The following DNAJB1 variants were observed in gnomAD, a reference collection of about 807,000 sequenced individuals.
The protein encoded by DNAJB1 is dnaJ homolog subfamily B member 1.
Under a neutral mutation model 24.0 loss-of-function variants are expected in DNAJB1, and 14 were observed. The observed-to-expected ratio is 0.58, with a 90% CI of 0.39 to 0.91. The LOEUF is 0.91. DNAJB1 is among the 40% of genes least tolerant of loss of function. DNAJB1 has a pLI of 0.00. For synonymous variants in DNAJB1, 262 were observed against 174.4 expected (o/e 1.50, Z -3.96); for missense variants, 517 against 458.1 (o/e 1.13, Z -1.17).
chr19:14,529,424 GT>G, upstream of DNAJB1: 1 of 610,180 alleles, frequency 1.6e-6, no homozygotes, highest in South Asian at 1.8e-5. Flanking sequence ...TCCTACAGGC[GT>G]TCCGCCCCCT....
Position 14,515,949 on chromosome 19 carries a change from A to G in DNAJB1, c.1014T>C (p.Leu338=). Residue 338 remains leucine, a synonymous_variant, in exon 3 of 3, where the codon CTT becomes CTC. Transcript: ENST00000254322. ...QTSRTVLEQV[L]PI ...TGGGGAGCTCAGATAGCTATATTGG[A>G]AGAACCTGCTCAAGTACGGTTCTTG... 1.2e-6 allele frequency: 2 copies of G among 1,606,800 alleles called. No individual in the cohort carries two copies.
chr19:14,518,875 A>T (rs1286110408), upstream of DNAJB1, among the ~76,000 whole-genome samples: 2 of 152,210 alleles, frequency 1.3e-5, no homozygotes, highest in Non-Finnish European at 2.9e-5. Context: ...GTGACGCCGG[A>T]CGAACTACCT....
upstream of DNAJB1, among the ~76,000 whole-genome samples, chr19:14,518,609 C>T (rs1235603251): frequency 6.6e-6 from 1 of 152,078 alleles, no homozygotes; most frequent in Non-Finnish European, 1.5e-5. Flanking sequence ...TCGGCAACAC[C>T]TCCCCGCGGC....
intron 1 of DNAJB1, among the ~76,000 whole-genome samples, chr19:14,548,681 A>G (rs1020373348): frequency 1.3e-5 from 2 of 151,766 alleles, no homozygotes; most frequent in South Asian, 4.2e-4. Context: ...AGGTTCAAGC[A>G]ATTCTCCTGT....
upstream of DNAJB1, chr19:14,518,471 C>G: frequency 1.3e-6 from 1 of 747,786 alleles, no homozygotes; most frequent in Non-Finnish European, 1.8e-6. Context: ...CCTCCAGAAC[C>G]TTCCGCCCCG....
At chr19:14,542,790 G>C (rs1441683884) in intron 1 of DNAJB1, among the ~76,000 whole-genome samples, 1 of 152,040 alleles carries the variant, frequency 6.6e-6, no homozygotes, top group Non-Finnish European at 1.5e-5. Flanking sequence ...GCTGCATGTG[G>C]GTCATGAGTG....
In DNAJB1 at chr19:14,515,554, G is replaced by C; in HGVS notation, c.*386C>G. 1 of 238,666 alleles carries C rather than the reference G, an allele frequency of 4.2e-6. No individual in the cohort carries two copies. The highest frequency in any genetic ancestry group is 8.2e-6 in the Non-Finnish European group (1 of 121,528). 14.8% of individuals were successfully genotyped at this position (238,666 alleles called of 1,614,324 possible). ...AAAAGGAGGAGTGTACAGGGTCTGG[G>C]AATCAAGACTGCAGGTTGACATTAT... On this transcript the variant is annotated 3_prime_UTR_variant, in exon 3 of 3. Coordinates refer to ENST00000254322, the MANE Select transcript of DNAJB1 (RefSeq NM_006145.3).
exon 1 of DNAJB1, among the ~76,000 whole-genome samples, chr19:14,550,298 T>G (rs542548809): frequency 1.1e-4 from 16 of 152,202 alleles, no homozygotes; most frequent in East Asian, 1.9e-4. Context: ...GCGGGTGGTG[T>G]TAGCTGCCGC....
chr19:14,543,285 C>T (rs1599437643), intron 1 of DNAJB1, among the ~76,000 whole-genome samples: 2 of 116,208 alleles, frequency 1.7e-5, no homozygotes, highest in Non-Finnish European at 3.7e-5. Context: ...TGGAGGATTG[C>T]AGAGGGTGGG....
chr19:14,518,868 A>C (rs577621116), upstream of DNAJB1, among the ~76,000 whole-genome samples: 246 of 152,286 alleles, frequency 1.6e-3, no homozygotes, highest in Non-Finnish European at 2.9e-3. Flanking sequence ...CCGCCCGGTG[A>C]CGCCGGACGA....
In DNAJB1 at chr19:14,527,165, C is replaced by CT. The variant is rs369143149; in HGVS notation, c.-90+560dup. 5.9e-3 allele frequency among the ~76,000 whole-genome samples: 244 copies of CT among 41,282 alleles called. 49 individuals carry two copies. Among genetic ancestry groups the CT allele is most frequent in the East Asian group, 8.2e-3 (8 of 976 alleles). The allele number at this position is 41,282 out of a possible 152,430, so 27.1% of individuals were successfully genotyped here. ...AACTGCCACCAGAAAAATATCTCTG[C>CT]TTTTTTTTTTTTTTTTTTTTTTTTT... On this transcript the variant is annotated intron_variant, in intron 2 of 3. Coordinates refer to the DNAJB1 transcript ENST00000396969.
upstream of DNAJB1, among the ~76,000 whole-genome samples, chr19:14,522,912 T>C (rs1183632884): frequency 2.6e-5 from 4 of 151,974 alleles, no homozygotes; most frequent in East Asian, 1.9e-4. Flanking sequence ...CCTCCATAAA[T>C]TGGAGATAAG....
intron 1 of DNAJB1, among the ~76,000 whole-genome samples, chr19:14,537,018 G>C (rs942156181): frequency 2.0e-5 from 3 of 147,230 alleles, no homozygotes; most frequent in African/African-American, 7.6e-5. Context: ...AGGACGGGGA[G>C]GGGTGTCGAG....
At chr19:14,557,155 T>TTATC (rs2073759326) in intron 1 of DNAJB1, among the ~76,000 whole-genome samples, 1 of 151,640 alleles carries the variant, frequency 6.6e-6, no homozygotes, top group South Asian at 2.1e-4. Context: ...ATTTATTTAT[T>TTATC]TTGAGACAGG....
intron 1 of DNAJB1, among the ~76,000 whole-genome samples, chr19:14,557,095 C>A (rs554463519): frequency 6.8e-6 from 1 of 146,538 alleles, no homozygotes; most frequent in Non-Finnish European, 1.5e-5. Flanking sequence ...CATGGCTGTT[C>A]TGCTAGTGTT....
chr19:14,529,631 G>T (rs377724067), upstream of DNAJB1: 351 of 1,612,784 alleles, frequency 2.2e-4, 2 homozygotes, highest in South Asian at 1.1e-3. Context: ...GCTGTAGGGA[G>T]CCTGTGCTGT....
At chr19:14,556,928 T>C (rs1568421885) in intron 1 of DNAJB1, among the ~76,000 whole-genome samples, 1 of 151,958 alleles carries the variant, frequency 6.6e-6, no homozygotes, top group Non-Finnish European at 1.5e-5. Flanking sequence ...TCGCTATTGT[T>C]AGGGTTTGGG....
chr19:14,558,077 T>C (rs1421794007), intron 1 of DNAJB1, among the ~76,000 whole-genome samples: 2 of 152,184 alleles, frequency 1.3e-5, no homozygotes, highest in Non-Finnish European at 2.9e-5. Flanking sequence ...TAATAAGATT[T>C]ATCCTAAACT....
chr19:14,515,957 G>T lies in DNAJB1; in HGVS notation c.1006C>A (p.Gln336Lys). The T allele has an allele frequency of 1.2e-6, 2 of 1,609,174 alleles. No individual in the cohort carries two copies. Among genetic ancestry groups the T allele is most frequent in the Non-Finnish European group, 1.7e-6 (2 of 1,178,882 alleles). Residue 336 changes from glutamine to lysine, a missense_variant, in exon 3 of 3, where the codon CAG (glutamine) becomes AAG (lysine). By Grantham distance (53) the Gln-to-Lys change is moderately conservative (BLOSUM62 1). Coordinates refer to ENST00000254322, the MANE Select transcript of DNAJB1 (RefSeq NM_006145.3). ...TCAGATAGCTATATTGGAAGAACCT[G>T]CTCAAGTACGGTTCTTGATGTCTGG... is the stretch of plus-strand genomic sequence containing the variant. ...IPQTSRTVLE[Q>K]VLPI
Sources: gnomAD v4.1 joint callset for allele counts (sites outside exome capture counted in the v4.1 genomes callset) on GRCh38, gnomAD v4.1.1 for gene constraint, MANE v1.5 for transcripts, NCBI Gene and HGNC (gene_info 2026-07-23, HGNC 2026-07-21) for gene names.